RASSF8: variants seen among roughly 807,000 people sequenced by gnomAD.
RASSF8 encodes Ras association domain family member 8.
A neutral mutation model predicts 48.5 loss-of-function variants in RASSF8; 22 were observed. The observed-to-expected ratio is 0.45, with a 90% CI of 0.32 to 0.65. RASSF8 has a LOEUF of 0.65. Ranked by LOEUF, RASSF8 falls within the 30% of genes least tolerant of loss-of-function variation. RASSF8 has a pLI of 0.03. For missense variants in RASSF8, 418 were observed against 489.2 expected (o/e 0.85, Z 1.37); for synonymous variants, 127 against 171.5 (o/e 0.74, Z 2.03).
chr12:26,000,800 A>AT (rs1942237251), intron 2 of RASSF8, among the ~76,000 whole-genome samples: 1 of 152,146 alleles, frequency 6.6e-6, no homozygotes, highest in Non-Finnish European at 1.5e-5. Flanking sequence ...AATACTGTAT[A>AT]AAAGATTTAA....
chr12:26,004,969 C>G (rs1365574657), intron 2 of RASSF8, among the ~76,000 whole-genome samples: 18 of 151,822 alleles, frequency 1.2e-4, no homozygotes, highest in Admixed American at 1.2e-3. Flanking sequence ...GTCTGGGCAA[C>G]AAAGGGAGAC....
chr12:25,986,540 G>A (rs1941879614), intron 1 of RASSF8, among the ~76,000 whole-genome samples: 2 of 152,144 alleles, frequency 1.3e-5, no homozygotes, highest in South Asian at 4.2e-4. Context: ...GGTTCTCTGT[G>A]CCCTTTTGAG....
intron 2 of RASSF8, among the ~76,000 whole-genome samples, chr12:26,044,223 ACCCATTTCATT>A (rs1943325390): frequency 6.6e-6 from 1 of 151,966 alleles, no homozygotes; most frequent in Non-Finnish European, 1.5e-5. Context: ...AGTTTGCTTA[ACCCATTTCATT>A]CCATGAGTTT....
At chr12:26,063,054 C>A (rs976232039) in intron 3 of RASSF8, among the ~76,000 whole-genome samples, 1 of 152,170 alleles carries the variant, frequency 6.6e-6, no homozygotes, top group Non-Finnish European at 1.5e-5. Flanking sequence ...GATATTTACA[C>A]ATCTAGATTT....
chr12:25,961,122 G>A (rs1204889191), intron 1 of RASSF8, among the ~76,000 whole-genome samples: 1 of 152,120 alleles, frequency 6.6e-6, no homozygotes, highest in Non-Finnish European at 1.5e-5. Context: ...TGACTGCCTT[G>A]TGTTTTGAGA....
At chr12:26,050,495 G>A (rs1440276353) in intron 2 of RASSF8, among the ~76,000 whole-genome samples, 1 of 152,054 alleles carries the variant, frequency 6.6e-6, no homozygotes, top group Non-Finnish European at 1.5e-5. Flanking sequence ...AAAAATATGC[G>A]TCTTGACTCA....
chr12:26,055,131 C>T, intron 2 of RASSF8, 105 bp from the exon 3 acceptor site: 3 of 531,170 alleles, frequency 5.6e-6, no homozygotes, highest in Non-Finnish European at 1.0e-5. Context: ...CTGTGTACTT[C>T]AGTAAGATTA....
rs111976117 is a variant in RASSF8, at chr12:26,072,107, G to A, written c.*3289G>A. On this transcript the variant is annotated 3_prime_UTR_variant, in exon 6 of 6. Coordinates refer to ENST00000689635, the MANE Select transcript of RASSF8 (RefSeq NM_001394098.1). ...TGGGCAGATGGACAGTTCCCATTGT[G>A]CATTGCCTTTGATAAATTTGGCCTT... 709 of 985,326 alleles carry A rather than the reference G, an allele frequency of 7.2e-4. No individual in the cohort carries two copies. The highest frequency in any genetic ancestry group is 8.2e-4 in the Non-Finnish European group (681 of 829,848). 61.0% of individuals were successfully genotyped at this position (985,326 alleles called of 1,614,324 possible).
At chr12:26,046,528 A>T (rs184523410) in intron 2 of RASSF8, among the ~76,000 whole-genome samples, 184 of 152,326 alleles carry the variant, frequency 1.2e-3, no homozygotes, top group South Asian at 0.011. Context: ...GATTTAAAAA[A>T]TTTTTTAAAG....
At chr12:26,014,015 T>G (rs147339394) in intron 2 of RASSF8, among the ~76,000 whole-genome samples, 69 of 152,320 alleles carry the variant, frequency 4.5e-4, no homozygotes, top group Non-Finnish European at 8.1e-4. Context: ...TGGTATTGGT[T>G]TGAGGAATAT....
intron 1 of RASSF8, among the ~76,000 whole-genome samples, chr12:25,964,540 A>G (rs1193986504): frequency 1.3e-5 from 2 of 152,192 alleles, no homozygotes; most frequent in Admixed American, 6.5e-5. Context: ...GTTGTTAGCT[A>G]TCATTGGCTC....
downstream of RASSF8, among the ~76,000 whole-genome samples, chr12:26,074,588 C>A (rs1475917570): frequency 6.6e-6 from 1 of 151,986 alleles, no homozygotes; most frequent in African/African-American, 2.4e-5. Context: ...CGTGTTCCAC[C>A]CGCCTCGTCC....
intron 2 of RASSF8, among the ~76,000 whole-genome samples, chr12:26,048,503 T>C (rs1251035765): frequency 6.6e-6 from 1 of 152,186 alleles, no homozygotes; most frequent in African/African-American, 2.4e-5. Context: ...TCAGGGCTAC[T>C]AGTACTGGAG....
chr12:26,073,821 TACACACACACAC>T (rs757140768), downstream of RASSF8, among the ~76,000 whole-genome samples: 744 of 65,252 alleles, frequency 0.011, 15 homozygotes, highest in African/African-American at 0.045. Flanking sequence ...TATATACACA[TACACACACACAC>T]ACACACACAC....
intron 2 of RASSF8, among the ~76,000 whole-genome samples, chr12:26,027,385 C>G (rs1942938150): frequency 6.6e-6 from 1 of 152,138 alleles, no homozygotes; most frequent in Admixed American, 6.5e-5. Flanking sequence ...CAAACAGAAG[C>G]TGGATAGCAC....
At position 26,069,437 on chromosome 12, in the gene RASSF8, C is replaced by T. The variant is rs1017775902; in HGVS notation, c.*619C>T. On this transcript the variant is annotated 3_prime_UTR_variant, in exon 6 of 6. Coordinates refer to ENST00000689635, the MANE Select transcript of RASSF8 (RefSeq NM_001394098.1). ...TGAAATAATTCAGGGTTTTTTAAAT[C>T]TGGAATTTAGTCGTTCCTTTACAAT... 1.1e-5 allele frequency: 11 copies of T among 985,418 alleles called. No homozygotes were observed. In the East Asian group the frequency reaches 1.1e-3, roughly 102 times the overall value. 61.0% of individuals were successfully genotyped at this position (985,418 alleles called of 1,614,324 possible).
At chr12:26,003,358 G>A (rs75711932) in intron 2 of RASSF8, among the ~76,000 whole-genome samples, 3,970 of 152,188 alleles carry the variant, frequency 0.026, 154 homozygotes, top group African/African-American at 0.089. Context: ...CAGTGGGCTC[G>A]TGTTTTGTTG....
chr12:26,025,917 C>T (rs181016831), intron 2 of RASSF8, among the ~76,000 whole-genome samples: 5 of 152,136 alleles, frequency 3.3e-5, no homozygotes, highest in Admixed American at 1.3e-4. Flanking sequence ...ATCTCATGTT[C>T]ATGGATCTGT....
At chr12:26,000,904 G>A (rs1199788345) in intron 2 of RASSF8, among the ~76,000 whole-genome samples, 4 of 152,098 alleles carry the variant, frequency 2.6e-5, no homozygotes, top group African/African-American at 9.6e-5. Flanking sequence ...TGAATGTGAG[G>A]GCCGAGGACA....
Sources: allele counts gnomAD v4.1 joint callset (sites outside exome capture counted in the v4.1 genomes callset), GRCh38; gene constraint gnomAD v4.1.1; transcripts MANE v1.5; gene names NCBI Gene and HGNC (gene_info 2026-07-23, HGNC 2026-07-21).